The following DCC variants were observed in gnomAD, a reference collection of about 807,000 sequenced individuals.
DCC encodes DCC netrin 1 receptor.
DCC carries 58 observed loss-of-function variants against 172.5 expected under a neutral mutation model. The observed-to-expected ratio is 0.34, with a 90% CI of 0.27 to 0.42. The LOEUF is 0.42. Among genes scored for constraint, DCC ranks in the 10% least tolerant of loss-of-function variants. DCC has a pLI of 1.00. For missense variants in DCC, 1,740 were observed against 1,791.0 expected (o/e 0.97, Z 0.51); for synonymous variants, 709 against 644.5 (o/e 1.10, Z -1.52).
chr18:53,362,977 C>T (rs1599066593), intron 15 of DCC, among the ~76,000 whole-genome samples: 1 of 152,234 alleles, frequency 6.6e-6, no homozygotes, highest in Middle Eastern at 3.4e-3. Context: ...GCTCTGTCTC[C>T]TTTGCTCCTC....
intron 8 of DCC, among the ~76,000 whole-genome samples, chr18:53,170,663 C>T (rs1348757310): frequency 6.6e-6 from 1 of 152,176 alleles, no homozygotes; most frequent in Non-Finnish European, 1.5e-5. Context: ...TATTAAGTAT[C>T]AGGTGCCATG....
At chr18:53,370,780 G>A (rs1227221147) in intron 15 of DCC, among the ~76,000 whole-genome samples, 1 of 151,706 alleles carries the variant, frequency 6.6e-6, no homozygotes, top group East Asian at 1.9e-4. Flanking sequence ...ATAGGATATG[G>A]CCTATCCTGG....
intron 21 of DCC, among the ~76,000 whole-genome samples, chr18:53,428,013 C>T (rs58676849): frequency 3.3e-5 from 1 of 30,370 alleles, no homozygotes; most frequent in Admixed American, 4.6e-4. Flanking sequence ...TAATATAATA[C>T]TATAATAATA....
chr18:53,006,193 T>A (rs2041642965), intron 5 of DCC, among the ~76,000 whole-genome samples: 1 of 152,222 alleles, frequency 6.6e-6, no homozygotes, highest in African/African-American at 2.4e-5. Flanking sequence ...AAATTCAAAC[T>A]GGCTTTATGT....
At chr18:52,807,410 T>A (rs1444499363) in intron 2 of DCC, among the ~76,000 whole-genome samples, 1 of 152,210 alleles carries the variant, frequency 6.6e-6, no homozygotes, top group African/African-American at 2.4e-5. Flanking sequence ...ATATGCTCCC[T>A]GTGATATTAA....
chr18:52,576,829 CAA>C (rs35498084), intron 1 of DCC, among the ~76,000 whole-genome samples: 12 of 127,028 alleles, frequency 9.4e-5, no homozygotes, highest in Admixed American at 1.7e-4. Flanking sequence ...GCCTCCATCT[CAA>C]AAAAAAAAAA....
Position 52,340,761 on chromosome 18 carries a change from C to G in DCC, c.-27C>G. 2 of 1,587,520 alleles carry G rather than the reference C, an allele frequency of 1.3e-6. No homozygotes were observed. The highest frequency in any genetic ancestry group is 1.7e-6 in the Non-Finnish European group (2 of 1,156,110). On this transcript the variant is annotated 5_prime_UTR_variant, in exon 1 of 29. Transcript: ENST00000442544. ...GTGAGTGCTGCCGCTGCCCGCGACC[C>G]CTGGCCCCGAAGGTGTTGGCTGAAA...
intron 1 of DCC, among the ~76,000 whole-genome samples, chr18:52,662,963 A>G (rs1192365834): frequency 6.6e-6 from 1 of 152,120 alleles, no homozygotes; most frequent in Non-Finnish European, 1.5e-5. Flanking sequence ...ATCGCTCCCT[A>G]AACACCCTGG....
intron 7 of DCC, among the ~76,000 whole-genome samples, chr18:53,103,926 G>C (rs2043208906): frequency 1.3e-5 from 2 of 151,964 alleles, no homozygotes; most frequent in South Asian, 2.1e-4. Flanking sequence ...ACTAGGGAGA[G>C]GTGAGTGAGG....
In DCC at chr18:53,450,618, C is replaced by G. The variant is rs1474376680; in HGVS notation, c.3348C>G (p.Ile1116Met). 6.2e-7 allele frequency: 1 copy of G among 1,611,354 alleles called. No individual in the cohort carries two copies. Among genetic ancestry groups the G allele is most frequent in the African/African-American group, 1.3e-5 (1 of 74,202 alleles). The change falls in exon 23 of 29, where the codon ATC becomes ATG. Residue 1116 changes from isoleucine (I) to methionine (M), a missense_variant. Around this residue, in one of 2 missense-constraint regions of DCC, gnomAD observed 1,732 missense variants for 1,767.4 expected, o/e 0.98. Transcript: ENST00000442544. ...TCATCACAGTGCTGGTAGTGGTCAT[C>G]GTGGCTGTGATTTGCACCCGACGCT... ...VGVITVLVVV[I>M]VAVICTRRSS...
At chr18:53,199,189 C>G (rs1261207013) in intron 9 of DCC, among the ~76,000 whole-genome samples, 1 of 151,276 alleles carries the variant, frequency 6.6e-6, no homozygotes, top group Non-Finnish European at 1.5e-5. Context: ...GATCAGGGAT[C>G]AAGGGATTAT....
intron 15 of DCC, among the ~76,000 whole-genome samples, chr18:53,342,730 A>AAT (rs58516702): frequency 0.14 from 19,965 of 143,142 alleles, 1,584 homozygotes; most frequent in East Asian, 0.24. Context: ...GAAATACCCA[A>AAT]ATATATATAT....
intron 1 of DCC, among the ~76,000 whole-genome samples, chr18:52,498,619 G>C (rs916747513): frequency 1.3e-5 from 2 of 151,920 alleles, no homozygotes; most frequent in African/African-American, 4.8e-5. Context: ...GCGAGACTCT[G>C]TCTCAAAAAA....
In DCC at chr18:53,048,567, GTA is replaced by G. The variant is rs533269041; in HGVS notation, c.986-14736_986-14735del. Among the ~76,000 whole-genome samples the G allele has an allele frequency of 6.7e-3, 876 of 130,846 alleles. 6 individuals are homozygous for G. Among genetic ancestry groups the G allele is most frequent in the Non-Finnish European group, 0.011 (696 of 63,568 alleles). The allele number at this position is 130,846 out of a possible 152,430, so 85.8% of individuals were successfully genotyped here. A position where few individuals can be genotyped will look rare whatever the true frequency, so the allele number is the denominator to read the frequency against. On this transcript the variant is annotated intron_variant, in intron 5 of 28. Transcript: ENST00000442544. ...CACATATATATGCATATGTGTATAT[GTA>G]TGTGTGTGTATATATATACGTATAT... is the stretch of plus-strand genomic sequence containing the variant.
intron 1 of DCC, among the ~76,000 whole-genome samples, chr18:52,698,113 C>CT (rs1413734944): frequency 6.6e-6 from 1 of 152,096 alleles, no homozygotes; most frequent in African/African-American, 2.4e-5. Context: ...TAAATGATTC[C>CT]TTTTATTTAA....
At chr18:52,629,949 CAAAA>C (rs540334133) in intron 1 of DCC, among the ~76,000 whole-genome samples, 1 of 40,910 alleles carries the variant, frequency 2.4e-5, no homozygotes, top group Non-Finnish European at 4.3e-5. Context: ...GACTCCGTCT[CAAAA>C]AAAAAAAAAA....
At chr18:53,293,764 G>T (rs1319517451) in intron 12 of DCC, among the ~76,000 whole-genome samples, 1 of 152,152 alleles carries the variant, frequency 6.6e-6, no homozygotes, top group Non-Finnish European at 1.5e-5. Context: ...ATGTCTGCAG[G>T]CTACTCTCAG....
chr18:53,423,592 G>A (rs62098271), intron 21 of DCC, among the ~76,000 whole-genome samples: 65,644 of 152,016 alleles, frequency 0.43, 15,979 homozygotes, highest in Non-Finnish European at 0.56. Flanking sequence ...AGTCTTCTTT[G>A]AGACTCCCTT....
chr18:52,824,053 G>C (rs776919952), intron 2 of DCC, among the ~76,000 whole-genome samples: 3 of 152,092 alleles, frequency 2.0e-5, no homozygotes, highest in Non-Finnish European at 4.4e-5. Context: ...TCTCAGAAAG[G>C]GTGAATTGCA....
Sources: gnomAD v4.1 joint callset for allele counts (sites outside exome capture counted in the v4.1 genomes callset) on GRCh38, gnomAD v4.1.1 for gene constraint, gnomAD v4.1.1 regional missense constraint, MANE v1.5 for transcripts, NCBI Gene and HGNC (gene_info 2026-07-23, HGNC 2026-07-21) for gene names.